The following PCDHGA5 variants were observed in gnomAD, a reference collection of about 807,000 sequenced individuals.
The protein encoded by PCDHGA5 is protocadherin gamma-A5.
A neutral mutation model predicts 56.7 loss-of-function variants in PCDHGA5; 36 were observed. That is an observed-to-expected ratio of 0.64 (90% CI 0.49 to 0.84). The LOEUF (loss-of-function observed/expected upper bound fraction) is 0.84. Ranked by LOEUF, PCDHGA5 falls within the 40% of genes least tolerant of loss-of-function variation. The probability of loss-of-function intolerance (pLI) is 0.00; values close to 1 mark genes in which losing one functional copy is unlikely to be tolerated. For synonymous variants in PCDHGA5, 563 were observed against 520.2 expected, an observed-to-expected ratio of 1.08 and a Z score of -1.12; for missense variants, 1,305 against 1,201.5, an observed-to-expected ratio of 1.09 and a Z score of -1.27.
At chr5:141,394,240 C>T in intron 1 of PCDHGA5, 1 of 1,613,940 alleles carries the variant, frequency 6.2e-7, no homozygotes, top group Non-Finnish European at 8.5e-7. Context: ...TCCTTGACTG[C>T]ACACGACCCC....
intron 1 of PCDHGA5, chr5:141,378,750 G>T (rs1388712170): frequency 1.3e-5 from 2 of 152,084 alleles, no homozygotes; most frequent in African/African-American, 4.8e-5. Flanking sequence ...CAAGAAAAAA[G>T]GGATTATCAT....
At chr5:141,395,032 T>C (rs1561652708) in intron 1 of PCDHGA5, 1 of 1,614,068 alleles carries the variant, frequency 6.2e-7, no homozygotes. Context: ...GCCTCACATT[T>C]TGTGGGTGTT....
At chr5:141,393,458 G>C in intron 1 of PCDHGA5, 1 of 1,614,020 alleles carries the variant, frequency 6.2e-7, no homozygotes, top group Non-Finnish European at 8.5e-7. Flanking sequence ...TCACGGCCTC[G>C]GATGGCGGCA....
rs144490159 is a variant in PCDHGA5, at chr5:141,418,260, G to A, written c.2421+51509G>A. The A allele has an allele frequency of 5.0e-3, 7,995 of 1,614,000 alleles. 44 individuals carry two copies. Among genetic ancestry groups the A allele is most frequent in the Admixed American group, 9.4e-3 (566 of 60,026 alleles). ...GTTAATGACCACGCCCCTCAATTCCGGAAAGATGAAATAAACTTAGAAATC... is the reference window on the plus strand; with the variant it reads ...GTTAATGACCACGCCCCTCAATTCCAGAAAGATGAAATAAACTTAGAAATC... On this transcript the variant is annotated intron_variant, in intron 1 of 3. Coordinates refer to ENST00000518069, the MANE Select transcript of PCDHGA5 (RefSeq NM_018918.3).
rs766182165 is a variant in PCDHGA5 at position 141,478,048 on chromosome 5, C to T, written c.2422-16759C>T. ...ACACAGATTCACCCAGGCAGACTCT[C>T]ACGGTCTTGATCAAAGACAATGGGG... On this transcript the variant is annotated intron_variant, in intron 1 of 3. Transcript: ENST00000518069. 5.6e-6 allele frequency: 9 copies of T among 1,614,040 alleles called. No homozygotes were observed. In the Admixed American group the frequency reaches 1.0e-4, roughly 18 times the overall value.
chr5:141,476,601 C>A lies in PCDHGA5; in HGVS notation c.2422-18206C>A. On this transcript the variant is annotated intron_variant, in intron 1 of 3. Coordinates refer to ENST00000518069, the MANE Select transcript of PCDHGA5 (RefSeq NM_018918.3). The surrounding 1 kb of genome is among the most constrained non-coding windows in gnomAD (Gnocchi z 7.6). ...TTTCCGCTCGAGAGCGCGCACGATC[C>A]CGATGTGGGAAGCAACTCTTTACAA... The A allele has an allele frequency of 6.2e-7, 1 of 1,614,228 alleles. No homozygotes were observed. The highest frequency in any genetic ancestry group is 2.2e-5 in the East Asian group (1 of 44,878).
chr5:141,405,760 G>T (rs1048838050), intron 1 of PCDHGA5, among the ~76,000 whole-genome samples: 2 of 152,148 alleles, frequency 1.3e-5, no homozygotes, highest in East Asian at 3.9e-4. Context: ...TTACAGGCGT[G>T]AGCCACTGCG....
chr5:141,433,204 C>CT, intron 1 of PCDHGA5: 2 of 1,566,944 alleles, frequency 1.3e-6, no homozygotes, highest in Admixed American at 2.0e-5. Flanking sequence ...ATCAAATCTT[C>CT]TTTCTTTTTT....
At chr5:141,390,447 G>C (rs941574561) in intron 1 of PCDHGA5, 12 of 843,730 alleles carry the variant, frequency 1.4e-5, no homozygotes, top group Admixed American at 2.9e-5. Flanking sequence ...TACAAAGGAG[G>C]AGTAAAGTAG....
At chr5:141,382,924 G>T (rs768027809) in intron 1 of PCDHGA5, 2 of 1,568,666 alleles carry the variant, frequency 1.3e-6, no homozygotes, top group Non-Finnish European at 1.7e-6. Flanking sequence ...GAGGGGCGGG[G>T]ACTACAGAGG....
chr5:141,465,777 C>G (rs2099109055), intron 1 of PCDHGA5, among the ~76,000 whole-genome samples: 2 of 151,768 alleles, frequency 1.3e-5, no homozygotes, highest in African/African-American at 2.4e-5. Flanking sequence ...TCTCTTGTTA[C>G]AGTTTTTTTT....
chr5:141,394,514 C>G (rs2093021412), intron 1 of PCDHGA5: 2 of 1,614,230 alleles, frequency 1.2e-6, no homozygotes, highest in South Asian at 1.1e-5. Context: ...ACCCCGCCCT[C>G]CCCACAGACG....
At chr5:141,398,529 G>A (rs375949491) in intron 1 of PCDHGA5, 2 of 1,613,544 alleles carry the variant, frequency 1.2e-6, no homozygotes, top group South Asian at 1.1e-5. Flanking sequence ...CAAAATTCAC[G>A]CAAAATTCCT....
chr5:141,427,161 G>A (rs1561826750), intron 1 of PCDHGA5: 1 of 456,698 alleles, frequency 2.2e-6, no homozygotes, highest in Non-Finnish European at 4.4e-6. Flanking sequence ...GTTTGTGCTA[G>A]ACCATCAAAA....
At position 141,494,925 on chromosome 5, in the gene PCDHGA5, G is replaced by A. The variant is rs936071950; in HGVS notation, c.2480+60G>A. On this transcript the variant is annotated intron_variant, in intron 2 of 3. Coordinates refer to ENST00000518069, the MANE Select transcript of PCDHGA5 (RefSeq NM_018918.3). ...TGCGGCATTTTCTCAGGGATGACGT[G>A]GGAGGAGATGGGGGAGGGCCCAGCA... is the stretch of plus-strand genomic sequence containing the variant. The A allele has an allele frequency of 3.3e-4, 525 of 1,613,316 alleles. 2 individuals carry two copies. Among genetic ancestry groups the A allele is most frequent in the Admixed American group, 4.7e-4 (28 of 59,956 alleles).
intron 2 of PCDHGA5, among the ~76,000 whole-genome samples, chr5:141,502,654 C>G (rs1424933188): frequency 6.6e-6 from 1 of 152,112 alleles, no homozygotes; most frequent in African/African-American, 2.4e-5. Context: ...TAGGCAGCAA[C>G]CCTTCATGCA....
At position 141,487,905 on chromosome 5, in the gene PCDHGA5, G is replaced by A. The variant is rs1305989274; in HGVS notation, c.2422-6902G>A. The A allele has an allele frequency of 2.9e-6, 2 of 686,270 alleles. No individual in the cohort carries two copies. The highest frequency in any genetic ancestry group is 3.6e-5 in the African/African-American group (2 of 55,348). The allele number at this position is 686,270 out of a possible 1,614,324, so 42.5% of individuals were successfully genotyped here. ...GTGGAAGCATGATGATGGAATGTGG[G>A]AGCACAGGAGGCTACAGTGCACAGG... On this transcript the variant is annotated intron_variant, in intron 1 of 3. Coordinates refer to ENST00000518069, the MANE Select transcript of PCDHGA5 (RefSeq NM_018918.3). This position sits in a 1 kb window ranked among gnomAD's most constrained non-coding sequence, Gnocchi z 5.0.
intron 1 of PCDHGA5, chr5:141,416,827 T>A (rs981344540): frequency 1.2e-4 from 18 of 152,268 alleles, no homozygotes; most frequent in African/African-American, 3.9e-4. Context: ...CCGAAGTTTC[T>A]CAAGACCCTT....
At chr5:141,440,280 A>G (rs1389627767) in intron 1 of PCDHGA5, 1 of 152,220 alleles carries the variant, frequency 6.6e-6, no homozygotes, top group East Asian at 1.9e-4. Context: ...CAGCCTGACC[A>G]ACATAGTGAA....
Sources: allele counts gnomAD v4.1 joint callset (sites outside exome capture counted in the v4.1 genomes callset), GRCh38; gene constraint gnomAD v4.1.1; non-coding constraint Gnocchi (gnomAD v3.1); transcripts MANE v1.5; gene names NCBI Gene and HGNC (gene_info 2026-07-23, HGNC 2026-07-21).